MACROD2: variants seen among roughly 807,000 people sequenced by gnomAD.
MACROD2 encodes ADP-ribose glycohydrolase MACROD2.
MACROD2 carries 36 observed loss-of-function variants against 70.4 expected under a neutral mutation model. The observed-to-expected ratio is 0.51, with a 90% confidence interval of 0.39 to 0.68. The LOEUF is 0.68. Among genes scored for constraint, MACROD2 ranks in the 30% least tolerant of loss-of-function variants. The probability of loss-of-function intolerance (pLI) is 0.00; values close to 1 mark genes in which losing one functional copy is unlikely to be tolerated. For missense variants in MACROD2, 496 were observed against 538.4 expected (o/e 0.92, Z 0.78); for synonymous variants, 172 against 178.8 (o/e 0.96, Z 0.30).
At chr20:15,797,486 A>G (rs2063685457) in intron 8 of MACROD2, among the ~76,000 whole-genome samples, 1 of 152,062 alleles carries the variant, frequency 6.6e-6, no homozygotes, top group Non-Finnish European at 1.5e-5. Flanking sequence ...TCCTACCAGC[A>G]TCACAAGCCA....
intron 15 of MACROD2, among the ~76,000 whole-genome samples, chr20:16,040,902 C>G (rs1271135029): frequency 1.3e-5 from 2 of 151,966 alleles, no homozygotes; most frequent in African/African-American, 4.8e-5. Flanking sequence ...TAAATTTAAA[C>G]TGTAGGTTGT....
intron 9 of MACROD2, among the ~76,000 whole-genome samples, chr20:15,884,814 C>G (rs1287273383): frequency 6.6e-6 from 1 of 152,060 alleles, no homozygotes; most frequent in Non-Finnish European, 1.5e-5. Flanking sequence ...TCTGACAGTT[C>G]TGGAGGCTGG....
intron 8 of MACROD2, among the ~76,000 whole-genome samples, chr20:15,744,039 C>T (rs941711893): frequency 3.9e-5 from 6 of 152,172 alleles, no homozygotes; most frequent in African/African-American, 1.4e-4. Context: ...CCAGAGCTAA[C>T]CTCTGCCCTT....
intron 8 of MACROD2, among the ~76,000 whole-genome samples, chr20:15,541,589 A>G (rs1442313810): frequency 1.3e-5 from 2 of 152,182 alleles, no homozygotes; most frequent in Non-Finnish European, 2.9e-5. Context: ...TTTGATATTG[A>G]GGTTTCACCT....
chr20:15,326,722 A>G (rs762307044), intron 6 of MACROD2, among the ~76,000 whole-genome samples: 1 of 152,120 alleles, frequency 6.6e-6, no homozygotes, highest in Non-Finnish European at 1.5e-5. Context: ...CACAAAGATG[A>G]TGCCTCTCCC....
At chr20:14,831,739 C>A (rs531636217) in intron 5 of MACROD2, among the ~76,000 whole-genome samples, 6 of 126,858 alleles carry the variant, frequency 4.7e-5, no homozygotes, top group African/African-American at 1.7e-4. Flanking sequence ...GAGATCGCGC[C>A]ACTGCACTCC....
chr20:14,668,155 TAA>T (rs532897421), intron 4 of MACROD2, among the ~76,000 whole-genome samples: 1 of 142,974 alleles, frequency 7.0e-6, no homozygotes, highest in Non-Finnish European at 1.5e-5. Context: ...CCCTGTCTCT[TAA>T]AAAAAAAAAA....
intron 5 of MACROD2, among the ~76,000 whole-genome samples, chr20:15,048,119 A>G (rs1277969741): frequency 2.2e-5 from 3 of 135,272 alleles, no homozygotes; most frequent in African/African-American, 8.5e-5. Flanking sequence ...TAAATAAATA[A>G]TAAAAAATTA....
At chr20:14,645,467 CTAAAG>C (rs1985336230) in intron 4 of MACROD2, among the ~76,000 whole-genome samples, 1 of 151,952 alleles carries the variant, frequency 6.6e-6, no homozygotes, top group South Asian at 2.1e-4. Flanking sequence ...AAGTATATAA[CTAAAG>C]TAATATGTGT....
chr20:14,813,481 G>C (rs955350081), intron 5 of MACROD2, among the ~76,000 whole-genome samples: 2 of 151,790 alleles, frequency 1.3e-5, no homozygotes, highest in African/African-American at 2.4e-5. Context: ...GCATTAGTTT[G>C]CTGAGGATAA....
intron 3 of MACROD2, among the ~76,000 whole-genome samples, chr20:14,103,600 A>G (rs2054327304): frequency 1.3e-5 from 2 of 152,302 alleles, no homozygotes; most frequent in East Asian, 1.9e-4. Flanking sequence ...GTTTGTAAGT[A>G]TATATATCAT....
chr20:14,689,710 T>A (rs2071040989), intron 5 of MACROD2, among the ~76,000 whole-genome samples: 1 of 152,204 alleles, frequency 6.6e-6, no homozygotes. Flanking sequence ...TCTTCTCGCC[T>A]CACCTCAGCT....
At chr20:14,485,580 A>G (rs1205845862) in intron 3 of MACROD2, among the ~76,000 whole-genome samples, 1 of 151,818 alleles carries the variant, frequency 6.6e-6, no homozygotes, top group Non-Finnish European at 1.5e-5. Context: ...AGGCACCTGT[A>G]GTCCCAGCTA....
chr20:15,468,659 G>T (rs966736055), intron 7 of MACROD2, among the ~76,000 whole-genome samples: 2 of 152,138 alleles, frequency 1.3e-5, no homozygotes, highest in Non-Finnish European at 2.9e-5. Flanking sequence ...TTTGCCTTTT[G>T]TGTGCTTCTT....
At chr20:15,206,724 T>TTTTTTTTTTTTTTG (rs2076708408) in intron 5 of MACROD2, among the ~76,000 whole-genome samples, 1 of 57,888 alleles carries the variant, frequency 1.7e-5, no homozygotes, top group Non-Finnish European at 3.3e-5. Context: ...TATCTATGTT[T>TTTTTTTTTTTTTTG]TTTTTTTTTT....
At chr20:14,321,564 G>A (rs892441101) in intron 3 of MACROD2, among the ~76,000 whole-genome samples, 3 of 152,134 alleles carry the variant, frequency 2.0e-5, no homozygotes, top group African/African-American at 7.2e-5. Flanking sequence ...GAAGGAAAAA[G>A]GAATTAGAAT....
At position 14,964,298 on chromosome 20, in the gene MACROD2, C is replaced by T. The variant is rs61152066; in HGVS notation, c.419-265642C>T. Among the ~76,000 whole-genome samples the T allele has an allele frequency of 4.8e-3, 726 of 152,144 alleles. 6 individuals carry two copies. The highest frequency in any genetic ancestry group is 0.016 in the African/African-American group (684 of 41,506). On this transcript the variant is annotated intron_variant, in intron 5 of 17. Transcript: ENST00000684519. Reference sequence around the variant, plus strand: ...TAAATGAGACTGCACACAGGCCGGGCGCGGTGGCTCACGCCTGTAATCCCA... The same window carrying T: ...TAAATGAGACTGCACACAGGCCGGGTGCGGTGGCTCACGCCTGTAATCCCA...
chr20:14,332,037 T>A (rs1372022966), intron 3 of MACROD2, among the ~76,000 whole-genome samples: 3 of 152,126 alleles, frequency 2.0e-5, no homozygotes, highest in African/African-American at 7.2e-5. Flanking sequence ...CCCTGGTAAC[T>A]TAATGGAATG....
chr20:15,385,257 C>A (rs1012544730), intron 6 of MACROD2, among the ~76,000 whole-genome samples: 1 of 152,148 alleles, frequency 6.6e-6, no homozygotes, highest in Non-Finnish European at 1.5e-5. Context: ...CAAGATGGAA[C>A]TTTAACCTCA....
Sources: gnomAD v4.1 joint callset for allele counts (sites outside exome capture counted in the v4.1 genomes callset) on GRCh38, gnomAD v4.1.1 for gene constraint, MANE v1.5 for transcripts, NCBI Gene and HGNC (gene_info 2026-07-23, HGNC 2026-07-21) for gene names.